AUTS2: variants seen among roughly 807,000 people sequenced by gnomAD.
AUTS2 encodes autism susceptibility gene 2 protein.
Under a neutral mutation model 112.4 loss-of-function variants are expected in AUTS2, and 17 were observed. The ratio of observed to expected loss-of-function variants is 0.15; its 90% confidence interval spans 0.10 to 0.23. The LOEUF is 0.23. Ranked by LOEUF, AUTS2 falls within the 10% of genes least tolerant of loss-of-function variation. The probability of loss-of-function intolerance (pLI) is 1.00; values close to 1 mark genes in which losing one functional copy is unlikely to be tolerated. For synonymous variants in AUTS2, 751 were observed against 702.7 expected (o/e 1.07, Z -1.09); for missense variants, 1,510 against 1,701.6 (o/e 0.89, Z 1.98).
rs570446693 is a variant in AUTS2, at chr7:70,550,163, C to T, written c.690+114382C>T. Among the ~76,000 whole-genome samples, 4 of 152,202 alleles carry T rather than the reference C, an allele frequency of 2.6e-5. No homozygotes were observed. The East Asian group carries it at 5.8e-4, about 22-fold the overall frequency. On this transcript the variant is annotated intron_variant, in intron 5 of 18. Transcript: ENST00000342771. ...CTTATGCTCAAGAATTTAAAAGCAC[C>T]ACTGGTAGGTCAGTGGAAGGCAACT...
At chr7:70,233,190 C>G (rs1812148070) in intron 4 of AUTS2, among the ~76,000 whole-genome samples, 1 of 152,100 alleles carries the variant, frequency 6.6e-6, no homozygotes, top group South Asian at 2.1e-4. Flanking sequence ...AGCTGAATCC[C>G]TCTTGTAGAA....
chr7:69,737,444 GTCACTGTGGTGTCCTCAGAAGCAAGT>G (rs1199030770), intron 1 of AUTS2, among the ~76,000 whole-genome samples: 1 of 152,178 alleles, frequency 6.6e-6, no homozygotes, highest in African/African-American at 2.4e-5. Context: ...GTCGGGCAGA[GTCACTGTGGTGTCCTCAGAAGCAAGT>G]CCCTGCTTGG....
chr7:69,895,530 C>G (rs1408931082), intron 1 of AUTS2, among the ~76,000 whole-genome samples: 1 of 149,076 alleles, frequency 6.7e-6, no homozygotes, highest in Non-Finnish European at 1.5e-5. Flanking sequence ...CTTTGATCCT[C>G]TCTCTCTCTT....
At chr7:70,231,129 G>A (rs1203340239) in intron 4 of AUTS2, among the ~76,000 whole-genome samples, 1 of 152,122 alleles carries the variant, frequency 6.6e-6, no homozygotes, top group Non-Finnish European at 1.5e-5. Context: ...TGACAATTTT[G>A]TTCTGTTTCA....
chr7:70,612,771 G>A (rs1006940242), intron 5 of AUTS2, among the ~76,000 whole-genome samples: 6 of 151,720 alleles, frequency 4.0e-5, no homozygotes, highest in Admixed American at 2.6e-4. Flanking sequence ...AGTGGGTTAG[G>A]ATTTATTTCT....
intron 2 of AUTS2, among the ~76,000 whole-genome samples, chr7:69,963,568 A>G (rs1797517186): frequency 6.6e-6 from 1 of 152,154 alleles, no homozygotes; most frequent in Admixed American, 6.5e-5. Context: ...TACTAAGCAG[A>G]GGTTAGGAGG....
intron 2 of AUTS2, among the ~76,000 whole-genome samples, chr7:69,957,028 A>G (rs1034701380): frequency 7.9e-5 from 12 of 151,164 alleles, no homozygotes; most frequent in Non-Finnish European, 1.3e-4. Flanking sequence ...ACGCCTGACT[A>G]AGTTTTTTCT....
intron 1 of AUTS2, among the ~76,000 whole-genome samples, chr7:69,893,544 T>C (rs1794613962): frequency 6.6e-6 from 1 of 152,190 alleles, no homozygotes; most frequent in Admixed American, 6.5e-5. Context: ...GGCTTGTTAT[T>C]TTCTTTAAGG....
intron 2 of AUTS2, among the ~76,000 whole-genome samples, chr7:70,067,113 C>A (rs764219149): frequency 1.3e-5 from 2 of 151,966 alleles, no homozygotes; most frequent in Admixed American, 1.3e-4. Context: ...GAAAAAGAGG[C>A]GAAAAGTACA....
At chr7:70,240,325 T>C (rs1474692904) in intron 4 of AUTS2, among the ~76,000 whole-genome samples, 1 of 152,236 alleles carries the variant, frequency 6.6e-6, no homozygotes, top group Non-Finnish European at 1.5e-5. Flanking sequence ...TAAGAGTTTC[T>C]CAACTCTTTG....
intron 1 of AUTS2, among the ~76,000 whole-genome samples, chr7:69,622,271 AT>A (rs1317627999): frequency 6.6e-6 from 1 of 152,148 alleles, no homozygotes; most frequent in African/African-American, 2.4e-5. Flanking sequence ...TTTAACTTGA[AT>A]TTTGGTTGCC....
intron 5 of AUTS2, among the ~76,000 whole-genome samples, chr7:70,545,019 C>G (rs1800714178): frequency 6.6e-6 from 1 of 152,194 alleles, no homozygotes; most frequent in Non-Finnish European, 1.5e-5. Context: ...AGAAGCCTCG[C>G]TTTGGACAGG....
At chr7:69,777,935 T>C (rs1788965966) in intron 1 of AUTS2, among the ~76,000 whole-genome samples, 1 of 152,192 alleles carries the variant, frequency 6.6e-6, no homozygotes, top group African/African-American at 2.4e-5. Flanking sequence ...ATGTGGGTTA[T>C]GTTCCTATAC....
chr7:70,334,140 A>G (rs1405051871), intron 4 of AUTS2, among the ~76,000 whole-genome samples: 1 of 152,196 alleles, frequency 6.6e-6, no homozygotes, highest in East Asian at 1.9e-4. Context: ...ATAGCTATAG[A>G]TAAAAGCAGG....
chr7:70,014,763 A>G (rs967285891), intron 2 of AUTS2, among the ~76,000 whole-genome samples: 1 of 152,210 alleles, frequency 6.6e-6, no homozygotes, highest in African/African-American at 2.4e-5. Context: ...TTAATTAGGC[A>G]TTCTTTTTCT....
At chr7:69,879,121 TG>T (rs1295438116) in intron 1 of AUTS2, among the ~76,000 whole-genome samples, 1 of 1,424 alleles carries the variant, frequency 7.0e-4, no homozygotes, top group Non-Finnish European at 1.1e-3. Flanking sequence ...TGAGACTTTC[TG>T]TGTGTGTGTG....
chr7:69,971,424 A>C (rs564457128), intron 2 of AUTS2, among the ~76,000 whole-genome samples: 2 of 152,320 alleles, frequency 1.3e-5, no homozygotes, highest in Admixed American at 6.5e-5. Flanking sequence ...TACAATATGC[A>C]GTTTTAAGAA....
intron 1 of AUTS2, among the ~76,000 whole-genome samples, chr7:69,851,244 G>A (rs1792467598): frequency 6.6e-6 from 1 of 152,156 alleles, no homozygotes; most frequent in South Asian, 2.1e-4. Flanking sequence ...ATTGATTACA[G>A]TATAACTATT....
chr7:69,743,970 ATT>A (rs35084019), intron 1 of AUTS2, among the ~76,000 whole-genome samples: 1 of 146,400 alleles, frequency 6.8e-6, no homozygotes, highest in Non-Finnish European at 1.5e-5. Flanking sequence ...GCTAATTAAC[ATT>A]TTTTTTTTTG....
Sources: allele counts gnomAD v4.1 joint callset (sites outside exome capture counted in the v4.1 genomes callset), GRCh38; gene constraint gnomAD v4.1.1; transcripts MANE v1.5; gene names NCBI Gene and HGNC (gene_info 2026-07-23, HGNC 2026-07-21).